Variants in STAP1 observed in about 807,000 individuals in gnomAD.
STAP1 encodes signal-transducing adaptor protein 1.
In STAP1, 30 loss-of-function variants were observed where a neutral mutation model predicts 37.8. The observed-to-expected ratio is 0.79, with a 90% CI of 0.59 to 1.08. The LOEUF (loss-of-function observed/expected upper bound fraction) is 1.08, where lower values mean the gene tolerates loss of function less well. Ranked by LOEUF, STAP1 falls within the 50% of genes least tolerant of loss-of-function variation. The pLI is 0.00. For missense variants in STAP1, 357 were observed against 349.4 expected (o/e 1.02, Z -0.17); for synonymous variants, 130 against 116.0 (o/e 1.12, Z -0.78).
intron 1 of STAP1, among the ~76,000 whole-genome samples, chr4:67,570,557 G>GA (rs1331081966): frequency 6.6e-6 from 1 of 152,118 alleles, no homozygotes; most frequent in African/African-American, 2.4e-5. Context: ...AGCTACTCTG[G>GA]AGGCTGGAGT....
chr4:67,561,662 C>T (rs1727340211), intron 1 of STAP1, among the ~76,000 whole-genome samples: 1 of 152,100 alleles, frequency 6.6e-6, no homozygotes. Flanking sequence ...TCTGAATTAA[C>T]CAGGAAGATG....
chr4:67,571,860 C>G (rs142716614), intron 2 of STAP1, among the ~76,000 whole-genome samples: 2 of 152,238 alleles, frequency 1.3e-5, no homozygotes, highest in East Asian at 3.9e-4. Flanking sequence ...AAGCCAACAT[C>G]TAATGAAAGA....
intron 8 of STAP1, among the ~76,000 whole-genome samples, chr4:67,602,344 G>A (rs1728362241): frequency 6.6e-6 from 1 of 151,912 alleles, no homozygotes; most frequent in South Asian, 2.1e-4. Context: ...ATTGGTCACT[G>A]GTGCTTTATT....
rs1727851286 is a variant in STAP1, at chr4:67,581,344, G to A, written c.403G>A (p.Val135Ile). The change falls in exon 5 of 9, where the codon GTA becomes ATA. Residue 135 changes from valine (V) to isoleucine (I), a missense_variant. Transcript: ENST00000265404. ...AAACGTGTCACTCCTACCTGGGCAA[G>A]TAATTAAACTGCATGAAGTCCTAGA... ...PQNVSLLPGQ[V>I]IKLHEVLERE... 2 of 1,613,854 alleles carry A rather than the reference G, an allele frequency of 1.2e-6. No homozygotes were observed. The highest frequency in any genetic ancestry group is 8.5e-7 in the Non-Finnish European group (1 of 1,179,902).
intron 2 of STAP1, among the ~76,000 whole-genome samples, chr4:67,573,108 A>T (rs529383139): frequency 6.6e-6 from 1 of 152,336 alleles, no homozygotes; most frequent in East Asian, 1.9e-4. Context: ...GGAAGAATTT[A>T]AAGCTGGCTT....
chr4:67,577,288 C>T, intron 4 of STAP1, 29 bp downstream of exon 4: 7 of 1,256,208 alleles, frequency 5.6e-6, no homozygotes, highest in East Asian at 3.0e-5. Flanking sequence ...TTGATTGATT[C>T]TTTTTTTTTT....
At chr4:67,602,669 C>T (rs1401551016) in intron 8 of STAP1, among the ~76,000 whole-genome samples, 1 of 152,202 alleles carries the variant, frequency 6.6e-6, no homozygotes, top group African/African-American at 2.4e-5. Flanking sequence ...CAGGCAGAGA[C>T]TCTTGTTCTC....
In STAP1 at chr4:67,581,483, A is replaced by G. The variant is rs1727858348; in HGVS notation, c.530+12A>G. On this transcript the variant is annotated intron_variant, in intron 5 of 8. Transcript: ENST00000265404. ...AACCCTATGCCAGCGTAAGTGCACA[A>G]TGAACTGCAGTTTATTCATTCGATT... The G allele has an allele frequency of 5.0e-6, 8 of 1,592,192 alleles. No homozygotes were observed. Among genetic ancestry groups the G allele is most frequent in the South Asian group, 1.1e-5 (1 of 87,146 alleles).
chr4:67,564,155 T>G (rs530335207), intron 1 of STAP1, among the ~76,000 whole-genome samples: 95 of 152,210 alleles, frequency 6.2e-4, no homozygotes, highest in Non-Finnish European at 3.5e-4. Flanking sequence ...ATACTGAATA[T>G]AAGTTTGGTC....
In STAP1 at chr4:67,606,707, T is replaced by C. The variant is rs184609766; in HGVS notation, c.*350T>C. On this transcript the variant is annotated 3_prime_UTR_variant, in exon 9 of 9. Coordinates refer to ENST00000265404, the MANE Select transcript of STAP1 (RefSeq NM_012108.4). ...ATAATTCCAACAGCAGTTTCTCTAG[T>C]TCTAAATTTTACCAATTCCCAAAAA... The C allele has an allele frequency of 7.9e-4, 134 of 170,002 alleles. 1 individual carries two copies. Among genetic ancestry groups the C allele is most frequent in the African/African-American group, 3.1e-3 (133 of 42,394 alleles). The allele number at this position is 170,002 out of a possible 1,614,324, so 10.5% of individuals were successfully genotyped here. A position where few individuals can be genotyped will look rare whatever the true frequency, so the allele number is the denominator to read the frequency against.
intron 6 of STAP1, among the ~76,000 whole-genome samples, chr4:67,587,981 C>T (rs1405086580): frequency 1.4e-5 from 2 of 145,606 alleles, no homozygotes; most frequent in Non-Finnish European, 3.0e-5. Flanking sequence ...ATCTCGGCCT[C>T]CCAAAGTGCT....
chr4:67,560,817 G>A (rs1235716512), intron 1 of STAP1, among the ~76,000 whole-genome samples: 1 of 152,070 alleles, frequency 6.6e-6, no homozygotes, highest in Non-Finnish European at 1.5e-5. Flanking sequence ...CCCGGCTAAC[G>A]TTTGTATTGT....
chr4:67,566,149 C>T (rs942021400), intron 1 of STAP1, among the ~76,000 whole-genome samples: 3 of 151,784 alleles, frequency 2.0e-5, no homozygotes, highest in East Asian at 1.9e-4. Flanking sequence ...GGTTTCACCA[C>T]GTTGGCCAGA....
chr4:67,558,958 TA>T, intron 1 of STAP1, 29 bp downstream of exon 1: 1 of 1,536,088 alleles, frequency 6.5e-7, no homozygotes, highest in Non-Finnish European at 8.8e-7. Flanking sequence ...ATGTTAAACC[TA>T]AGACTTCTGT....
At chr4:67,573,042 A>T (rs1046640407) in intron 2 of STAP1, among the ~76,000 whole-genome samples, 4 of 152,230 alleles carry the variant, frequency 2.6e-5, no homozygotes, top group Admixed American at 2.6e-4. Flanking sequence ...TGATAGTCTC[A>T]GAAGAAAGCA....
intron 6 of STAP1, among the ~76,000 whole-genome samples, chr4:67,589,162 A>C (rs1478584800): frequency 1.3e-5 from 2 of 152,232 alleles, no homozygotes; most frequent in African/African-American, 4.8e-5. Context: ...TTTCAAAAGT[A>C]ACTGTGTGAT....
In STAP1 at chr4:67,558,938, A is replaced by G; in HGVS notation, c.120+9A>G. 1 of 1,595,638 alleles carries G rather than the reference A, an allele frequency of 6.3e-7. No homozygotes were observed. Among genetic ancestry groups the G allele is most frequent in the Non-Finnish European group, 8.5e-7 (1 of 1,171,138 alleles). On this transcript the variant is annotated intron_variant, in intron 1 of 8. Coordinates refer to ENST00000265404, the MANE Select transcript of STAP1 (RefSeq NM_012108.4). ...AGCGGTCAGGATACCGGGTGAGTCT[A>G]TAGATGATAATGTTAAACCTAAGAC...
rs528168903 is a variant in STAP1 at position 67,568,838 on chromosome 4, T to C, written c.121-2246T>C. 5.3e-5 allele frequency among the ~76,000 whole-genome samples: 8 copies of C among 152,368 alleles called. No homozygotes were observed. The South Asian group carries it at 1.7e-3, about 32-fold the overall frequency. ...TCTGTCCTAGAAGGTAGATATTATA[T>C]GCTTTTCCTATGCTGGGCCCTTCAC... On this transcript the variant is annotated intron_variant, in intron 1 of 8. Transcript: ENST00000265404.
At chr4:67,569,732 T>TTGTG (rs57524051) in intron 1 of STAP1, among the ~76,000 whole-genome samples, 152 of 151,618 alleles carry the variant, frequency 1.0e-3, no homozygotes, top group African/African-American at 3.4e-3. Flanking sequence ...TTATTCCATT[T>TTGTG]TGTGTGTGTG....
Sources: gnomAD v4.1 joint callset for allele counts (sites outside exome capture counted in the v4.1 genomes callset) on GRCh38, gnomAD v4.1.1 for gene constraint, MANE v1.5 for transcripts, NCBI Gene and HGNC (gene_info 2026-07-23, HGNC 2026-07-21) for gene names.